MCTP2: variants seen among roughly 807,000 people sequenced by gnomAD.
The protein encoded by MCTP2 is multiple C2 and transmembrane domain-containing protein 2.
MCTP2 carries 132 observed loss-of-function variants against 111.6 expected under a neutral mutation model. The ratio of observed to expected loss-of-function variants is 1.18; its 90% confidence interval spans 1.03 to 1.37. MCTP2 has a LOEUF of 1.37. MCTP2 is among the 40% of genes most tolerant of loss of function. The pLI, the probability that MCTP2 is intolerant of heterozygous loss-of-function variation, is 0.00. For synonymous variants in MCTP2, 395 were observed against 387.7 expected (o/e 1.02, Z -0.22); for missense variants, 1,183 against 1,067.9 (o/e 1.11, Z -1.50).
chr15:94,283,234 A>C (rs1023599870), intron 1 of MCTP2, among the ~76,000 whole-genome samples: 2 of 152,176 alleles, frequency 1.3e-5, no homozygotes, highest in African/African-American at 4.8e-5. Context: ...ACCCTGGGAG[A>C]GGCCAGCAGA....
chr15:94,249,702 G>C (rs1298180217), intron 1 of MCTP2, among the ~76,000 whole-genome samples: 1 of 152,078 alleles, frequency 6.6e-6, no homozygotes, highest in Non-Finnish European at 1.5e-5. Context: ...AGCCAGTATG[G>C]TCTCGATCTC....
chr15:94,453,970 A>G (rs545969833), intron 19 of MCTP2, among the ~76,000 whole-genome samples: 72 of 152,318 alleles, frequency 4.7e-4, no homozygotes, highest in African/African-American at 1.5e-3. Context: ...TCAAATGGCT[A>G]TTTCTTCCAC....
chr15:94,407,373 G>A (rs990428096), intron 17 of MCTP2, among the ~76,000 whole-genome samples: 1 of 152,086 alleles, frequency 6.6e-6, no homozygotes, highest in African/African-American at 2.4e-5. Context: ...AGTTTGTGGG[G>A]CATTGATGGA....
chr15:94,458,232 A>C lies in MCTP2; in HGVS notation c.2346A>C (p.Gly782=). Residue 782 remains glycine (G), a synonymous_variant, in exon 20 of 23, where the codon GGA becomes GGC. Coordinates refer to ENST00000357742, the MANE Select transcript of MCTP2 (RefSeq NM_001385001.1). The part of the protein sequence containing the change: ...QNVLEEIASF[G]ERIKNTFNWT... Reference sequence around the variant, plus strand: ...TCTTGGAGGAAATAGCTTCTTTTGGAGAAAGGATTAAGAAGTAAGTTCTAA... The same window carrying C: ...TCTTGGAGGAAATAGCTTCTTTTGGCGAAAGGATTAAGAAGTAAGTTCTAA... The C allele has an allele frequency of 6.3e-7, 1 of 1,599,630 alleles. No individual in the cohort carries two copies. The highest frequency in any genetic ancestry group is 1.1e-5 in the South Asian group (1 of 90,768).
chr15:94,285,708 C>T (rs1487952595), intron 1 of MCTP2, among the ~76,000 whole-genome samples: 2 of 152,190 alleles, frequency 1.3e-5, no homozygotes, highest in Non-Finnish European at 2.9e-5. Context: ...CTTTCCTTTT[C>T]TCCAAACTTC....
chr15:94,244,794 GTA>G (rs1181264273), intron 1 of MCTP2, among the ~76,000 whole-genome samples: 2 of 135,720 alleles, frequency 1.5e-5, no homozygotes, highest in South Asian at 2.3e-4. Context: ...ACATATGCAC[GTA>G]TGTTTATATA....
At chr15:94,351,898 G>C (rs527490634) in intron 8 of MCTP2, among the ~76,000 whole-genome samples, 17 of 152,184 alleles carry the variant, frequency 1.1e-4, no homozygotes, top group African/African-American at 3.9e-4. Flanking sequence ...CTTTCCTCCT[G>C]ACCTCTCTGC....
intron 2 of MCTP2, among the ~76,000 whole-genome samples, chr15:94,300,113 CT>C (rs1359010455): frequency 6.6e-6 from 1 of 151,410 alleles, no homozygotes; most frequent in African/African-American, 2.4e-5. Flanking sequence ...TTTTTTTTTC[CT>C]GACCAGAAAA....
At chr15:94,389,415 G>C (rs1188823641) in intron 14 of MCTP2, among the ~76,000 whole-genome samples, 1 of 152,130 alleles carries the variant, frequency 6.6e-6, no homozygotes, top group Non-Finnish European at 1.5e-5. Flanking sequence ...GAAGATTTTT[G>C]ACCTGGAGGT....
At chr15:94,371,084 G>A (rs2079458440) in intron 12 of MCTP2, among the ~76,000 whole-genome samples, 1 of 151,662 alleles carries the variant, frequency 6.6e-6, no homozygotes, top group African/African-American at 2.4e-5. Context: ...TTAGTTTTCA[G>A]CGCATTATAT....
chr15:94,442,999 T>C lies in MCTP2; in HGVS notation c.2250+39T>C, dbSNP rs200235871. ...AGAAAGAACACACACAAAAAAACAC[T>C]AGTGTTGTCAACAGATAGCATTCCT... On this transcript the variant is annotated intron_variant, in intron 19 of 22. Transcript: ENST00000357742. The C allele has an allele frequency of 6.7e-5, 106 of 1,581,346 alleles. No individual in the cohort carries two copies. In the East Asian group the frequency reaches 2.3e-3, roughly 35 times the overall value.
rs781464859 is a variant in MCTP2 at position 94,470,392 on chromosome 15, C to T, written c.2420C>T (p.Ala807Val). 6.2e-7 allele frequency: 1 copy of T among 1,613,818 alleles called. No individual in the cohort carries two copies. Among genetic ancestry groups the T allele is most frequent in the Non-Finnish European group, 8.5e-7 (1 of 1,179,854 alleles). The change falls in exon 21 of 23, where the codon GCC (alanine) becomes GTC (valine). Residue 807 changes from alanine (A) to valine (V), a missense_variant. Physicochemically the swap from Ala to Val is moderately conservative, Grantham distance 64. Transcript: ENST00000357742. ...SSLACLILAAATIILYFIPLR... is the reference protein window; with the variant it reads ...SSLACLILAAVTIILYFIPLR... Reference sequence around the variant, plus strand: ...CTGGCCTGTTTGATTCTGGCAGCAGCCACCATCATTTTGTATTTCATTCCA... The same window carrying T: ...CTGGCCTGTTTGATTCTGGCAGCAGTCACCATCATTTTGTATTTCATTCCA...
intron 17 of MCTP2, among the ~76,000 whole-genome samples, chr15:94,413,497 C>T (rs2082245254): frequency 6.6e-6 from 1 of 151,354 alleles, no homozygotes; most frequent in Admixed American, 6.6e-5. Context: ...ATGCTTATGT[C>T]ATTGGCTAGG....
At chr15:94,397,948 A>T (rs1039003255) in intron 14 of MCTP2, among the ~76,000 whole-genome samples, 1 of 152,194 alleles carries the variant, frequency 6.6e-6, no homozygotes, top group South Asian at 2.1e-4. Flanking sequence ...AGTTACATAT[A>T]CTACTACTAT....
intron 4 of MCTP2, among the ~76,000 whole-genome samples, chr15:94,321,723 C>G (rs2076638801): frequency 6.6e-6 from 1 of 152,126 alleles, no homozygotes; most frequent in Non-Finnish European, 1.5e-5. Context: ...GGGTGCCAAC[C>G]CCTCATGCAG....
intron 1 of MCTP2, among the ~76,000 whole-genome samples, chr15:94,260,759 T>C (rs8026826): frequency 0.63 from 96,399 of 151,900 alleles, 30,665 homozygotes; most frequent in East Asian, 0.66. Flanking sequence ...CCTCCAACCA[T>C]CTGAATGAAC....
chr15:94,275,836 T>C (rs1190915469), intron 1 of MCTP2, among the ~76,000 whole-genome samples: 3 of 149,168 alleles, frequency 2.0e-5, no homozygotes, highest in Non-Finnish European at 4.4e-5. Flanking sequence ...ATATTCTGTT[T>C]TATAAGCATT....
At chr15:94,245,402 G>A (rs371651462) in intron 1 of MCTP2, among the ~76,000 whole-genome samples, 3 of 50,840 alleles carry the variant, frequency 5.9e-5, no homozygotes, top group Admixed American at 1.7e-4. Flanking sequence ...ATACATGTGT[G>A]TATATATTTA....
At position 94,369,992 on chromosome 15, in the gene MCTP2, A is replaced by G. The variant is rs1422532768; in HGVS notation, c.1489-95A>G. ...TTTTAAAGATTTCATGAGAAAAAGG[A>G]AGATAAATCTAGGATGCACTTCCTA... On this transcript the variant is annotated intron_variant, in intron 11 of 22. Transcript: ENST00000357742. The G allele has an allele frequency of 9.0e-6, 6 of 664,636 alleles. No individual in the cohort carries two copies. In the Admixed American group the frequency reaches 1.4e-4, roughly 16 times the overall value. The allele number at this position is 664,636 out of a possible 1,614,324, so 41.2% of individuals were successfully genotyped here. A position where few individuals can be genotyped will look rare whatever the true frequency, so the allele number is the denominator to read the frequency against.
Sources: allele counts gnomAD v4.1 joint callset (sites outside exome capture counted in the v4.1 genomes callset), GRCh38; gene constraint gnomAD v4.1.1; transcripts MANE v1.5; gene names NCBI Gene and HGNC (gene_info 2026-07-23, HGNC 2026-07-21).